The following BBOX1 variants were observed in gnomAD, a reference collection of about 807,000 sequenced individuals.
The protein encoded by BBOX1 is gamma-butyrobetaine dioxygenase.
BBOX1 carries 35 observed loss-of-function variants against 41.6 expected under a neutral mutation model. The ratio of observed to expected loss-of-function variants is 0.84; its 90% confidence interval spans 0.64 to 1.11. BBOX1 has a LOEUF of 1.11. Ranked by LOEUF, BBOX1 falls within the 50% of genes most tolerant of loss-of-function variation. The pLI is 0.00. For missense variants in BBOX1, 458 were observed against 460.6 expected (o/e 0.99, Z 0.05); for synonymous variants, 163 against 154.7 (o/e 1.05, Z -0.40).
At chr11:27,079,868 T>C (rs1442937) in intron 4 of BBOX1, among the ~76,000 whole-genome samples, 5,018 of 152,230 alleles carry the variant, frequency 0.033, 130 homozygotes, top group South Asian at 0.11. Context: ...TTGTCTCTCA[T>C]GATACTCATC....
In BBOX1 at chr11:27,122,788, G is replaced by T. The variant is rs541264380; in HGVS notation, c.837-2866G>T. ...GATCATTTTAAAAGTCCTTTCTTTG[G>T]TTTTTTTTTTGTTGTTGTTGGCATC... On this transcript the variant is annotated intron_variant, in intron 7 of 8. Coordinates refer to ENST00000263182, the MANE Select transcript of BBOX1 (RefSeq NM_003986.3). Among the ~76,000 whole-genome samples the T allele has an allele frequency of 5.8e-4, 86 of 147,942 alleles. No individual in the cohort carries two copies. The South Asian group carries it at 7.1e-3, about 12-fold the overall frequency.
chr11:27,073,675 A>T (rs574369705), intron 4 of BBOX1, among the ~76,000 whole-genome samples: 1 of 152,176 alleles, frequency 6.6e-6, no homozygotes, highest in Non-Finnish European at 1.5e-5. Flanking sequence ...ATGTCCATCA[A>T]TGATAGACTG....
chr11:27,085,104 A>G (rs1461089174), intron 4 of BBOX1, among the ~76,000 whole-genome samples: 1 of 152,130 alleles, frequency 6.6e-6, no homozygotes, highest in African/African-American at 2.4e-5. Flanking sequence ...AGATAAGAAA[A>G]TCCTTTTAAA....
At chr11:27,088,342 C>T (rs914621400) in intron 4 of BBOX1, among the ~76,000 whole-genome samples, 16 of 151,972 alleles carry the variant, frequency 1.1e-4, no homozygotes, top group African/African-American at 3.9e-4. Context: ...TTAAGTAAAA[C>T]CAAAAAGGCA....
At chr11:27,064,579 T>G (rs1857225772) in intron 4 of BBOX1, among the ~76,000 whole-genome samples, 1 of 152,184 alleles carries the variant, frequency 6.6e-6, no homozygotes, top group African/African-American at 2.4e-5. Flanking sequence ...TGAGGGGTTC[T>G]TCCTGCCTGC....
chr11:27,077,885 G>A (rs1857689743), intron 4 of BBOX1, among the ~76,000 whole-genome samples: 1 of 151,908 alleles, frequency 6.6e-6, no homozygotes, highest in Non-Finnish European at 1.5e-5. Context: ...ACATAACATG[G>A]CCTCTCTGTC....
intron 4 of BBOX1, among the ~76,000 whole-genome samples, chr11:27,086,976 T>C (rs1441486080): frequency 2.6e-5 from 4 of 152,112 alleles, no homozygotes; most frequent in Non-Finnish European, 2.9e-5. Flanking sequence ...AAGTAGAGCC[T>C]GAAGATGTAA....
intron 8 of BBOX1, 50 bp downstream of exon 8, chr11:27,125,870 C>T: frequency 6.4e-7 from 1 of 1,562,474 alleles, no homozygotes; most frequent in South Asian, 1.2e-5. Flanking sequence ...TTTTCTTCAA[C>T]CTTAACCACC....
intron 5 of BBOX1, among the ~76,000 whole-genome samples, chr11:27,102,385 C>T (rs976958693): frequency 2.6e-5 from 4 of 152,056 alleles, no homozygotes; most frequent in Non-Finnish European, 4.4e-5. Flanking sequence ...TATCATAAGG[C>T]AAACACCCTT....
At chr11:27,106,502 C>T (rs1858871442) in intron 5 of BBOX1, among the ~76,000 whole-genome samples, 1 of 152,140 alleles carries the variant, frequency 6.6e-6, no homozygotes, top group East Asian at 1.9e-4. Flanking sequence ...AAGCCCATTA[C>T]ATAATGGTAA....
At chr11:27,112,226 C>T (rs1228350005) in intron 5 of BBOX1, among the ~76,000 whole-genome samples, 1 of 151,860 alleles carries the variant, frequency 6.6e-6, no homozygotes, top group Non-Finnish European at 1.5e-5. Context: ...AAGCATATAG[C>T]AGTTGTTATT....
intron 5 of BBOX1, among the ~76,000 whole-genome samples, chr11:27,098,777 G>A (rs1858538448): frequency 6.6e-6 from 1 of 151,984 alleles, no homozygotes; most frequent in South Asian, 2.1e-4. Flanking sequence ...GAGAAAGGGA[G>A]AGAAAGAAAG....
chr11:27,062,194 A>C (rs1262608580), intron 4 of BBOX1, among the ~76,000 whole-genome samples: 1 of 152,196 alleles, frequency 6.6e-6, no homozygotes, highest in Non-Finnish European at 1.5e-5. Context: ...AAAGGGTAAA[A>C]TAGTAGGATA....
intron 5 of BBOX1, among the ~76,000 whole-genome samples, chr11:27,109,125 C>T (rs1858967117): frequency 6.6e-6 from 1 of 152,134 alleles, no homozygotes; most frequent in East Asian, 1.9e-4. Context: ...CTTAGACTTA[C>T]AATAGCTCTT....
intron 4 of BBOX1, among the ~76,000 whole-genome samples, chr11:27,091,605 G>A (rs1372006103): frequency 1.3e-5 from 2 of 151,802 alleles, no homozygotes; most frequent in Non-Finnish European, 2.9e-5. Flanking sequence ...TAAATTCTAA[G>A]GTTTTCTCAA....
chr11:27,053,561 C>CT (rs1344990385), intron 2 of BBOX1, among the ~76,000 whole-genome samples: 6 of 151,960 alleles, frequency 3.9e-5, no homozygotes, highest in Admixed American at 6.6e-5. Context: ...TACTACATTT[C>CT]TTTTTTTTAG....
intron 7 of BBOX1, among the ~76,000 whole-genome samples, chr11:27,125,337 C>A (rs957470382): frequency 6.6e-6 from 1 of 151,954 alleles, no homozygotes. Context: ...ATTTTAATAC[C>A]TGTTTCAAAT....
intron 5 of BBOX1, among the ~76,000 whole-genome samples, chr11:27,104,595 C>T (rs898508808): frequency 5.9e-5 from 9 of 152,096 alleles, no homozygotes; most frequent in Non-Finnish European, 1.3e-4. Flanking sequence ...TGAGTAAGAG[C>T]TATTCTAGAT....
rs10767598 is a variant in BBOX1, at chr11:27,055,571, T to C, written c.141T>C (p.Ser47=). Residue 47 remains serine (S), a synonymous_variant, in exon 3 of 9, where the codon TCT becomes TCC. Transcript: ENST00000263182. Reference sequence around the variant, plus strand: ...CGTGCTCTGATTGCTACCTGGATTCTGCAAAAGCACGGAAACTTCTAGTGG... The same window carrying C: ...CGTGCTCTGATTGCTACCTGGATTCCGCAAAAGCACGGAAACTTCTAGTGG... ...NCPCSDCYLD[S]AKARKLLVEA... 45 of 1,614,164 alleles carry C rather than the reference T, an allele frequency of 2.8e-5. No individual in the cohort carries two copies. In the African/African-American group the frequency reaches 5.6e-4, roughly 20 times the overall value.
Sources: allele counts gnomAD v4.1 joint callset (sites outside exome capture counted in the v4.1 genomes callset), GRCh38; gene constraint gnomAD v4.1.1; transcripts MANE v1.5; gene names NCBI Gene and HGNC (gene_info 2026-07-23, HGNC 2026-07-21).